The following GAB1 variants were observed in gnomAD, a reference collection of about 807,000 sequenced individuals.
The protein encoded by GAB1 is GRB2-associated-binding protein 1.
A neutral mutation model predicts 66.5 loss-of-function variants in GAB1; 19 were observed. The ratio of observed to expected loss-of-function variants is 0.29; its 90% CI spans 0.20 to 0.42. The LOEUF is 0.42. Ranked by LOEUF, GAB1 falls within the 10% of genes least tolerant of loss-of-function variation. The pLI, the probability that GAB1 is intolerant of heterozygous loss-of-function variation, is 1.00. For synonymous variants in GAB1, 294 were observed against 301.4 expected (o/e 0.98, Z 0.25); for missense variants, 732 against 858.5 (o/e 0.85, Z 1.84).
chr4:143,337,836 T>C (rs1341240242), intron 1 of GAB1, among the ~76,000 whole-genome samples: 3 of 152,208 alleles, frequency 2.0e-5, no homozygotes, highest in Non-Finnish European at 4.4e-5. Flanking sequence ...TTACGCGCCC[T>C]GCCGTTTGCT....
Position 143,466,200 on chromosome 4 carries a change from C to T in GAB1, c.1901C>T (p.Ser634Phe). The change falls in exon 9 of 10, where the codon TCT (serine) becomes TTT (phenylalanine). Residue 634 changes from serine (S) to phenylalanine (F), a missense_variant. By Grantham distance (155) the Ser-to-Phe change is radical. Around this residue, in one of 4 missense-constraint regions of GAB1, gnomAD observed 204 missense variants for 276.8 expected, o/e 0.74. Coordinates refer to ENST00000262994, the MANE Select transcript of GAB1 (RefSeq NM_002039.4). ...QVEYLDLDLD[S>F]GKSTPPRKQK... ...GAATACTTAGATCTCGACTTAGATT[C>T]TGGGAAATCCACACCACCACGTAAG... 6.2e-7 allele frequency: 1 copy of T among 1,613,778 alleles called. No individual in the cohort carries two copies. Among genetic ancestry groups the T allele is most frequent in the East Asian group, 2.2e-5 (1 of 44,832 alleles).
Position 143,337,236 on chromosome 4 carries a change from C to G in GAB1, c.48C>G (p.Pro16=), listed in dbSNP as rs758369672. 22 of 1,584,158 alleles carry G rather than the reference C, an allele frequency of 1.4e-5. No individual in the cohort carries two copies. Among genetic ancestry groups the G allele is most frequent in the African/African-American group, 2.7e-5 (2 of 74,696 alleles). The part of the protein sequence containing the change: ...VVCSGWLRKS[P]PEKKLKRYAW... ...GCTCCGGATGGCTCCGCAAGTCCCC[C>G]CCGGAGAAAAAGTTGAAGCGTTATG... The change falls in exon 1 of 10, where the codon CCC becomes CCG. Residue 16 remains proline, a synonymous_variant. Coordinates refer to ENST00000262994, the MANE Select transcript of GAB1 (RefSeq NM_002039.4).
chr4:143,425,205 AG>A lies in GAB1; in HGVS notation c.368-8284del. The A allele has an allele frequency of 3.5e-6, 3 of 863,562 alleles. No homozygotes were observed. The South Asian group carries it at 3.9e-5, about 11-fold the overall frequency. The allele number at this position is 863,562 out of a possible 1,614,324, so 53.5% of individuals were successfully genotyped here. On this transcript the variant is annotated intron_variant, in intron 2 of 9. Transcript: ENST00000262994. ...TGGCATCTACATTATAAATCTGAAG[AG>A]GACCTGGGAGAAGCTTCTGCTGGCA...
chr4:143,430,580 T>C (rs1733602086), intron 2 of GAB1, among the ~76,000 whole-genome samples: 1 of 152,202 alleles, frequency 6.6e-6, no homozygotes, highest in African/African-American at 2.4e-5. Flanking sequence ...CTGTTAATTA[T>C]GTTAGAGGGT....
At chr4:143,367,721 T>G (rs797007048) in intron 1 of GAB1, among the ~76,000 whole-genome samples, 6 of 120,316 alleles carry the variant, frequency 5.0e-5, no homozygotes, top group African/African-American at 2.1e-4. Flanking sequence ...AGATGAGGGT[T>G]TTTTTTTTTT....
In GAB1 at chr4:143,471,453, T is replaced by G. The variant is rs1736077275; in HGVS notation, c.*2264T>G. On this transcript the variant is annotated 3_prime_UTR_variant, in exon 10 of 10. Transcript: ENST00000262994. The stretch of plus-strand genomic sequence containing the variant: ...ATCTTTTTAGATGAAATTTTATGTA[T>G]AACCCCAATACATAAAGCCTGAAAA... 1 of 152,216 alleles carries G rather than the reference T, an allele frequency of 6.6e-6. No homozygotes were observed. The highest frequency in any genetic ancestry group is 6.5e-5 in the Admixed American group (1 of 15,270). 9.4% of individuals were successfully genotyped at this position (152,216 alleles called of 1,614,324 possible).
intron 4 of GAB1, 50 bp from the exon 5 acceptor site, chr4:143,439,752 A>C: frequency 2.3e-6 from 3 of 1,296,636 alleles, no homozygotes; most frequent in Non-Finnish European, 3.4e-6. Context: ...AATGACCCTG[A>C]GAGCTGGCAA....
intron 1 of GAB1, among the ~76,000 whole-genome samples, chr4:143,386,795 G>A (rs1056734415): frequency 3.3e-5 from 5 of 152,200 alleles, no homozygotes; most frequent in South Asian, 2.1e-4. Context: ...CATTTGTAGT[G>A]TTGTGTCAGT....
chr4:143,400,391 G>A (rs1026049245), intron 1 of GAB1, among the ~76,000 whole-genome samples: 3 of 152,236 alleles, frequency 2.0e-5, no homozygotes, highest in Middle Eastern at 3.4e-3. Flanking sequence ...GAAAGGAAAC[G>A]GAAGAAATTC....
intron 1 of GAB1, among the ~76,000 whole-genome samples, chr4:143,391,097 C>T (rs951751997): frequency 3.3e-5 from 5 of 152,140 alleles, no homozygotes; most frequent in African/African-American, 1.2e-4. Flanking sequence ...TGTGGAAGAA[C>T]AGAAGAACAG....
intron 1 of GAB1, among the ~76,000 whole-genome samples, chr4:143,373,950 A>G (rs1212976819): frequency 6.7e-6 from 1 of 148,350 alleles, no homozygotes; most frequent in Admixed American, 6.8e-5. Context: ...TTATGTGTCC[A>G]AAGCATTGGT....
chr4:143,449,642 G>A (rs1455703607), intron 6 of GAB1, among the ~76,000 whole-genome samples: 1 of 152,038 alleles, frequency 6.6e-6, no homozygotes, highest in African/African-American at 2.4e-5. Flanking sequence ...CCATTTGCTT[G>A]GTAGATCTTC....
intron 1 of GAB1, among the ~76,000 whole-genome samples, chr4:143,385,842 T>G (rs1214783895): frequency 6.6e-6 from 1 of 152,174 alleles, no homozygotes; most frequent in Non-Finnish European, 1.5e-5. Context: ...GTATAGTTTG[T>G]AAATAAAAGT....
intron 1 of GAB1, among the ~76,000 whole-genome samples, chr4:143,399,708 T>A (rs1333509755): frequency 6.6e-6 from 1 of 152,212 alleles, no homozygotes; most frequent in Non-Finnish European, 1.5e-5. Context: ...CTCAAAGTGA[T>A]TTTTAGCAGT....
chr4:143,377,905 C>A (rs1730483130), intron 1 of GAB1, among the ~76,000 whole-genome samples: 1 of 152,156 alleles, frequency 6.6e-6, no homozygotes, highest in Non-Finnish European at 1.5e-5. Flanking sequence ...TAGCCACGTT[C>A]ATGTGTTTTA....
At chr4:143,372,342 A>T (rs921136756) in intron 1 of GAB1, among the ~76,000 whole-genome samples, 1 of 152,150 alleles carries the variant, frequency 6.6e-6, no homozygotes, top group Non-Finnish European at 1.5e-5. Flanking sequence ...GCATTCACTT[A>T]TTCAACATCT....
chr4:143,457,587 C>A, intron 6 of GAB1: 2 of 578,262 alleles, frequency 3.5e-6, no homozygotes, highest in Non-Finnish European at 5.7e-6. Context: ...TTGCACAGGG[C>A]TCTGTTGCTT....
intron 2 of GAB1, among the ~76,000 whole-genome samples, chr4:143,417,083 A>G (rs577148067): frequency 1.6e-4 from 25 of 152,336 alleles, no homozygotes; most frequent in African/African-American, 5.8e-4. Flanking sequence ...GGTTTGGGTA[A>G]GAGGTAGTGA....
chr4:143,424,804 A>T (rs1733236805), intron 2 of GAB1: 2 of 311,528 alleles, frequency 6.4e-6, no homozygotes, highest in Admixed American at 9.1e-5. Flanking sequence ...AAAATACAAA[A>T]GTTAGCTGGG....
Sources: gnomAD v4.1 joint callset for allele counts (sites outside exome capture counted in the v4.1 genomes callset) on GRCh38, gnomAD v4.1.1 for gene constraint, gnomAD v4.1.1 regional missense constraint, MANE v1.5 for transcripts, NCBI Gene and HGNC (gene_info 2026-07-23, HGNC 2026-07-21) for gene names.